The following SYT1 variants were observed in gnomAD, a reference collection of about 807,000 sequenced individuals.
The protein encoded by SYT1 is synaptotagmin 1, also known as synaptotagmin-1.
SYT1 carries 8 observed loss-of-function variants against 44.8 expected under a neutral mutation model. The ratio of observed to expected loss-of-function variants is 0.18; its 90% CI spans 0.10 to 0.32. The LOEUF (loss-of-function observed/expected upper bound fraction) is 0.32, where lower values mean the gene tolerates loss of function less well. SYT1 is among the 10% of genes least tolerant of loss of function. SYT1 has a pLI of 1.00. For synonymous variants in SYT1, 154 were observed against 188.8 expected, an observed-to-expected ratio of 0.82 and a Z score of 1.51; for missense variants, 286 against 509.3, an observed-to-expected ratio of 0.56 and a Z score of 4.22.
intron 1 of SYT1, among the ~76,000 whole-genome samples, chr12:78,933,462 T>C (rs1212293988): frequency 2.0e-5 from 3 of 152,198 alleles, no homozygotes; most frequent in Admixed American, 6.5e-5. Context: ...TTCTATATTC[T>C]TGAATTTAGT....
intron 3 of SYT1, among the ~76,000 whole-genome samples, chr12:79,120,502 A>G (rs961597762): frequency 6.6e-6 from 1 of 152,156 alleles, no homozygotes; most frequent in Non-Finnish European, 1.5e-5. Flanking sequence ...TCTTTCTTGA[A>G]TTTCTATTTA....
At position 79,228,230 on chromosome 12, in the gene SYT1, A is replaced by G. The variant is rs78576623; in HGVS notation, c.166+10545A>G. On this transcript the variant is annotated intron_variant, in intron 4 of 10. Transcript: ENST00000261205. ...ACTTTACCTCTCCCATCAAGCTATC[A>G]TTCTGTCTCCTCCCTTCACATCTCT... Among the ~76,000 whole-genome samples, 1,148 of 152,158 alleles carry G rather than the reference A, an allele frequency of 7.5e-3. 9 individuals carry two copies. The highest frequency in any genetic ancestry group is 0.012 in the Non-Finnish European group (783 of 67,990).
intron 3 of SYT1, among the ~76,000 whole-genome samples, chr12:79,105,897 A>G (rs565913303): frequency 6.6e-6 from 1 of 152,004 alleles, no homozygotes; most frequent in East Asian, 1.9e-4. Context: ...GAAAAAAAAA[A>G]AAAAGGCAAT....
intron 3 of SYT1, among the ~76,000 whole-genome samples, chr12:79,172,126 T>C (rs1156852672): frequency 6.6e-6 from 1 of 152,040 alleles, no homozygotes; most frequent in African/African-American, 2.4e-5. Context: ...AATAGAGATA[T>C]AAACACATTT....
At chr12:78,908,845 T>A (rs1876144347) in intron 1 of SYT1, among the ~76,000 whole-genome samples, 1 of 151,890 alleles carries the variant, frequency 6.6e-6, no homozygotes, top group African/African-American at 2.4e-5. Flanking sequence ...AAATCAAATA[T>A]TTTTTTTACT....
chr12:79,023,313 G>GGGAA (rs1268099846), intron 2 of SYT1, among the ~76,000 whole-genome samples: 14 of 151,812 alleles, frequency 9.2e-5, no homozygotes, highest in Admixed American at 9.2e-4. Context: ...TCATAGAGGA[G>GGGAA]GGAAGAAGAA....
intron 1 of SYT1, among the ~76,000 whole-genome samples, chr12:78,931,004 T>G (rs1354365036): frequency 6.6e-6 from 1 of 150,762 alleles, no homozygotes; most frequent in Non-Finnish European, 1.5e-5. Context: ...ATTTAAGAAG[T>G]TAGATATTCA....
chr12:79,253,177 A>G (rs1008418828), intron 4 of SYT1, among the ~76,000 whole-genome samples: 3 of 152,170 alleles, frequency 2.0e-5, no homozygotes, highest in African/African-American at 7.2e-5. Flanking sequence ...ATCATGTTTC[A>G]CTGTATTGCA....
chr12:79,247,647 T>G (rs775548382), intron 4 of SYT1, among the ~76,000 whole-genome samples: 3 of 152,198 alleles, frequency 2.0e-5, no homozygotes, highest in Non-Finnish European at 4.4e-5. Flanking sequence ...TCTAAACATT[T>G]AATGAGTGCC....
intron 3 of SYT1, among the ~76,000 whole-genome samples, chr12:79,051,135 G>A (rs759196240): frequency 4.0e-5 from 6 of 150,828 alleles, no homozygotes; most frequent in Non-Finnish European, 8.9e-5. Flanking sequence ...TGCATGTGTC[G>A]GAACTGTTAA....
intron 3 of SYT1, among the ~76,000 whole-genome samples, chr12:79,102,404 CTGT>C (rs1394044019): frequency 6.6e-6 from 1 of 152,140 alleles, no homozygotes; most frequent in East Asian, 1.9e-4. Flanking sequence ...CCCTAGACTT[CTGT>C]TGTTCCTTTT....
At chr12:79,122,655 A>G (rs1001492528) in intron 3 of SYT1, among the ~76,000 whole-genome samples, 2 of 149,964 alleles carry the variant, frequency 1.3e-5, no homozygotes, top group Non-Finnish European at 3.0e-5. Context: ...AGTAAGACAC[A>G]TTTTTCTGGT....
chr12:79,098,647 T>C (rs978369272), intron 3 of SYT1, among the ~76,000 whole-genome samples: 1 of 152,162 alleles, frequency 6.6e-6, no homozygotes, highest in African/African-American at 2.4e-5. Context: ...AGTGGTGACT[T>C]AGTACGATGT....
chr12:79,418,179 A>G (rs1372115293), intron 9 of SYT1, among the ~76,000 whole-genome samples: 1 of 152,182 alleles, frequency 6.6e-6, no homozygotes, highest in Non-Finnish European at 1.5e-5. Context: ...TGGAACAGTG[A>G]CTGCTGCTCC....
At chr12:79,326,546 A>T (rs1298989739) in intron 8 of SYT1, among the ~76,000 whole-genome samples, 2 of 152,240 alleles carry the variant, frequency 1.3e-5, no homozygotes, top group African/African-American at 2.4e-5. Context: ...TGGAAAAAAA[A>T]TACTGATTTT....
chr12:79,297,069 T>G (rs1013186557), intron 7 of SYT1, among the ~76,000 whole-genome samples: 6 of 152,210 alleles, frequency 3.9e-5, no homozygotes, highest in Non-Finnish European at 8.8e-5. Context: ...GCATATGCCT[T>G]GTGTTGGCAA....
At chr12:79,012,606 T>A (rs1485880668) in intron 2 of SYT1, among the ~76,000 whole-genome samples, 2 of 152,170 alleles carry the variant, frequency 1.3e-5, no homozygotes, top group Non-Finnish European at 2.9e-5. Context: ...ATCTATGTGG[T>A]CACGTCACCA....
chr12:79,265,886 C>T lies in SYT1; in HGVS notation c.167-19901C>T, dbSNP rs549602638. Among the ~76,000 whole-genome samples the T allele has an allele frequency of 3.2e-4, 49 of 152,304 alleles. 1 individual carries two copies. The highest frequency in any genetic ancestry group is 7.4e-5 in the Non-Finnish European group (5 of 67,998). ...GTTAAGAGAATCTTTTCAAGAGGAT[C>T]TGCTATGCAAAAATTATTTAGAAAA... On this transcript the variant is annotated intron_variant, in intron 4 of 10. Coordinates refer to ENST00000261205, the MANE Select transcript of SYT1 (RefSeq NM_005639.3).
At chr12:79,200,052 C>A (rs1029048176) in intron 3 of SYT1, among the ~76,000 whole-genome samples, 1 of 151,892 alleles carries the variant, frequency 6.6e-6, no homozygotes, top group African/African-American at 2.4e-5. Flanking sequence ...ATCTTAACCA[C>A]AAGAGATTAT....
Sources: allele counts gnomAD v4.1 joint callset (sites outside exome capture counted in the v4.1 genomes callset), GRCh38; gene constraint gnomAD v4.1.1; transcripts MANE v1.5; gene names NCBI Gene and HGNC (gene_info 2026-07-23, HGNC 2026-07-21).